CASK: variants seen among roughly 807,000 people sequenced by gnomAD.
CASK encodes the protein peripheral plasma membrane protein CASK.
A neutral mutation model predicts 82.9 loss-of-function variants in CASK; 4 were observed. That is an observed-to-expected ratio of 0.05 (90% CI 0.02 to 0.11). The LOEUF is 0.11. CASK is among the 10% of genes least tolerant of loss of function. CASK has a pLI of 1.00. For missense variants in CASK, 358 were observed against 720.9 expected, an observed-to-expected ratio of 0.50 and a Z score of 5.76; for synonymous variants, 259 against 253.5, an observed-to-expected ratio of 1.02 and a Z score of -0.20.
chrX:41,589,852 A>C, intron 12 of CASK: 1 of 335,109 alleles, frequency 3.0e-6, no homozygotes, highest in South Asian at 3.9e-5. Flanking sequence ...TTGTCATTTA[A>C]AATTCATCAA....
chrX:41,533,473 T>C (rs1480067250), intron 24 of CASK, among the ~76,000 whole-genome samples: 1 of 112,178 alleles, frequency 8.9e-6, no homozygotes. Flanking sequence ...GAAGGTTTTC[T>C]CATGAAGCCT....
chrX:41,626,699 G>T lies in CASK; in HGVS notation c.920C>A (p.Ala307Glu). The T allele has an allele frequency of 8.7e-7, 1 of 1,149,271 alleles. No individual in the cohort carries two copies. The highest frequency in any genetic ancestry group is 1.2e-6 in the Non-Finnish European group (1 of 838,640). The allele number at this position is 1,149,271 out of a possible 1,213,427, so 94.7% of individuals were successfully genotyped here. Residue 307 changes from alanine (A) to glutamate (E), a missense_variant, in exon 10 of 27, where the codon GCA becomes GAA. Physicochemically the swap from Ala to Glu is moderately radical, Grantham distance 107 (BLOSUM62 -1). Around this residue, in one of 5 missense-constraint regions of CASK, gnomAD observed 110 missense variants for 218.8 expected, o/e 0.50. Coordinates refer to ENST00000378163, the MANE Select transcript of CASK (RefSeq NM_001367721.1). ...GTGACTTGACACAGCGGCTAGTACT[G>T]CACCCTAAAACAAAGAGATGAAAAA... ...KFNARRKLKG[A>E]VLAAVSSHKF...
At chrX:41,762,959 G>A (rs1204795701) in intron 3 of CASK, among the ~76,000 whole-genome samples, 7 of 111,171 alleles carry the variant, frequency 6.3e-5, no homozygotes, top group East Asian at 5.6e-4. Flanking sequence ...GGAAACAGCA[G>A]TGGGCTTCTG....
intron 3 of CASK, among the ~76,000 whole-genome samples, chrX:41,766,041 T>C (rs1368901793): frequency 8.9e-6 from 1 of 112,352 alleles, no homozygotes; most frequent in Non-Finnish European, 1.9e-5. Flanking sequence ...AGGATCTATA[T>C]TTCTTATAGC....
intron 2 of CASK, 156 bp downstream of exon 2, chrX:41,852,959 G>A: frequency 2.2e-6 from 1 of 460,545 alleles, no homozygotes; most frequent in South Asian, 3.4e-5. Context: ...CTAGAATTCT[G>A]ACAAACTAGA....
chrX:41,885,199 G>A (rs888023963), intron 1 of CASK, among the ~76,000 whole-genome samples: 5 of 111,683 alleles, frequency 4.5e-5, no homozygotes, highest in Non-Finnish European at 9.4e-5. Flanking sequence ...CCAATAAACT[G>A]GAAATAAGTC....
chrX:41,652,116 A>G (rs184474386), intron 8 of CASK, among the ~76,000 whole-genome samples: 2 of 111,240 alleles, frequency 1.8e-5, no homozygotes, highest in East Asian at 5.7e-4. Flanking sequence ...ATCTGAGGGA[A>G]GAGTATTCTA....
intron 2 of CASK, among the ~76,000 whole-genome samples, chrX:41,809,567 T>A (rs1015815922): frequency 1.8e-5 from 2 of 111,879 alleles, no homozygotes; most frequent in East Asian, 5.6e-4. Context: ...AGAAAGGACA[T>A]CCACACCAAA....
At chrX:41,851,265 G>A (rs2071260852) in intron 2 of CASK, among the ~76,000 whole-genome samples, 1 of 111,649 alleles carries the variant, frequency 9.0e-6, no homozygotes, top group African/African-American at 3.3e-5. Context: ...CAATAGAATG[G>A]GTGGCTTTGT....
Position 41,676,452 on chromosome X carries a change from G to C in CASK, c.430-4922C>G, listed in dbSNP as rs754837238. 5.0e-6 allele frequency: 6 copies of C among 1,196,073 alleles called. No homozygotes were observed. In the South Asian group the frequency reaches 7.1e-5, roughly 14 times the overall value. ...GCCATGTCATCATATCGCTCAGCCT[G>C]CTCGGCCAGTTTGGCCTTCTGAACC... On this transcript the variant is annotated intron_variant, in intron 5 of 26. Transcript: ENST00000378163.
At chrX:41,808,433 C>T (rs767122157) in intron 2 of CASK, among the ~76,000 whole-genome samples, 2 of 112,123 alleles carry the variant, frequency 1.8e-5, no homozygotes, top group South Asian at 7.5e-4. Context: ...AACTGAGACA[C>T]CTCTTAGCAA....
intron 1 of CASK, among the ~76,000 whole-genome samples, chrX:41,882,926 A>T (rs1330693943): frequency 8.9e-6 from 1 of 111,750 alleles, no homozygotes; most frequent in Non-Finnish European, 1.9e-5. Flanking sequence ...ATTTCTCCCA[A>T]TTTATAAGTC....
At chrX:41,797,056 C>G (rs1047683161) in intron 2 of CASK, among the ~76,000 whole-genome samples, 3 of 111,509 alleles carry the variant, frequency 2.7e-5, no homozygotes, top group Non-Finnish European at 5.6e-5. Context: ...TTAAGTCCAA[C>G]AACTTAACTA....
At chrX:41,858,237 C>T (rs777730453) in intron 1 of CASK, among the ~76,000 whole-genome samples, 7 of 112,105 alleles carry the variant, frequency 6.2e-5, no homozygotes, top group Admixed American at 9.4e-5. Flanking sequence ...AGAGGACAAC[C>T]AATCCAGACT....
chrX:41,561,270 C>G (rs2065225098), intron 17 of CASK, among the ~76,000 whole-genome samples: 1 of 110,748 alleles, frequency 9.0e-6, no homozygotes, highest in Non-Finnish European at 1.9e-5. Context: ...TGTACAAACA[C>G]TGAAAAGGTT....
intron 12 of CASK, among the ~76,000 whole-genome samples, chrX:41,600,772 C>T (rs747331239): frequency 4.5e-5 from 5 of 111,847 alleles, no homozygotes; most frequent in South Asian, 3.7e-4. Context: ...GGAGATGGAA[C>T]GAGGCAGAAT....
At chrX:41,849,703 A>G (rs1324774307) in intron 2 of CASK, among the ~76,000 whole-genome samples, 1 of 112,429 alleles carries the variant, frequency 8.9e-6, no homozygotes, top group African/African-American at 3.2e-5. Context: ...GCCCTATAAA[A>G]TAAAAATTAT....
intron 25 of CASK, among the ~76,000 whole-genome samples, chrX:41,527,881 C>T (rs2064737181): frequency 8.9e-6 from 1 of 112,263 alleles, no homozygotes; most frequent in Non-Finnish European, 1.9e-5. Context: ...ATTTTCTGAG[C>T]CATAGCTTTA....
At chrX:41,837,890 T>C (rs1289693475) in intron 2 of CASK, among the ~76,000 whole-genome samples, 3 of 112,214 alleles carry the variant, frequency 2.7e-5, no homozygotes, top group Non-Finnish European at 5.6e-5. Flanking sequence ...GTATGGCAAA[T>C]GTATGTTTTA....
Sources: allele counts gnomAD v4.1 joint callset (sites outside exome capture counted in the v4.1 genomes callset), GRCh38; gene constraint gnomAD v4.1.1; regional missense constraint gnomAD v4.1.1; transcripts MANE v1.5; gene names NCBI Gene and HGNC (gene_info 2026-07-23, HGNC 2026-07-21).